The following NTM variants were observed in gnomAD, a reference collection of about 807,000 sequenced individuals.
NTM encodes neurotrimin.
In NTM, 13 loss-of-function variants were observed where a neutral mutation model predicts 42.1. The observed-to-expected ratio is 0.31, with a 90% CI of 0.20 to 0.49. NTM has a LOEUF of 0.49. Ranked by LOEUF, NTM falls within the 20% of genes least tolerant of loss-of-function variation. The pLI is 0.99. For missense variants in NTM, 373 were observed against 452.8 expected, an observed-to-expected ratio of 0.82 and a Z score of 1.60; for synonymous variants, 187 against 179.2, an observed-to-expected ratio of 1.04 and a Z score of -0.35.
intron 2 of NTM, among the ~76,000 whole-genome samples, chr11:132,106,127 T>C (rs1278634323): frequency 6.6e-6 from 1 of 152,208 alleles, no homozygotes; most frequent in Non-Finnish European, 1.5e-5. Flanking sequence ...CAATTGCCAT[T>C]ATCCCACATA....
At chr11:132,317,529 A>T in intron 7 of NTM, 3 of 390,938 alleles carry the variant, frequency 7.7e-6, no homozygotes, top group Admixed American at 3.5e-5. Context: ...CCTTTTTTTT[A>T]TATAATCCCC....
intron 1 of NTM, among the ~76,000 whole-genome samples, chr11:131,870,374 G>T (rs2047658115): frequency 6.6e-6 from 1 of 152,300 alleles, no homozygotes; most frequent in Non-Finnish European, 1.5e-5. Flanking sequence ...TTGTATGTGT[G>T]CAATGCCTAG....
chr11:131,709,795 A>C (rs1184196481), intron 1 of NTM, among the ~76,000 whole-genome samples: 2 of 152,188 alleles, frequency 1.3e-5, no homozygotes, highest in African/African-American at 4.8e-5. Flanking sequence ...GATACAAAAG[A>C]GAGTTCGCCC....
chr11:131,463,089 G>A (rs1193828880), intron 1 of NTM, among the ~76,000 whole-genome samples: 1 of 152,216 alleles, frequency 6.6e-6, no homozygotes, highest in African/African-American at 2.4e-5. Context: ...TCTGCCCTGA[G>A]GTCAGTGACT....
chr11:131,500,979 T>A lies in NTM; in HGVS notation c.82+130091T>A, dbSNP rs184822269. On this transcript the variant is annotated intron_variant, in intron 1 of 8. Transcript: ENST00000683400. ...TATATGTGCCACATTTTCTTAATCC[T>A]GGATTAAGAAAATGTGACCCTATAG... Among the ~76,000 whole-genome samples the A allele has an allele frequency of 2.2e-4, 34 of 151,836 alleles. 5 individuals carry two copies. Among genetic ancestry groups the A allele is most frequent in the Admixed American group, 1.8e-3 (27 of 15,262 alleles).
At chr11:131,894,715 T>C (rs1461073967) in intron 1 of NTM, among the ~76,000 whole-genome samples, 1 of 152,130 alleles carries the variant, frequency 6.6e-6, no homozygotes, top group East Asian at 1.9e-4. Flanking sequence ...GGCTCCTCCC[T>C]ATCAAACCAG....
chr11:131,521,651 A>G (rs1355941153), intron 1 of NTM, among the ~76,000 whole-genome samples: 2 of 151,856 alleles, frequency 1.3e-5, no homozygotes, highest in East Asian at 3.9e-4. Flanking sequence ...GACAGCACCA[A>G]AACATTCAAG....
At chr11:131,455,150 A>G (rs1950774835) in intron 1 of NTM, among the ~76,000 whole-genome samples, 1 of 152,242 alleles carries the variant, frequency 6.6e-6, no homozygotes, top group South Asian at 2.1e-4. Flanking sequence ...CTGGGCCAGT[A>G]AAAGCATCAG....
intron 1 of NTM, among the ~76,000 whole-genome samples, chr11:131,596,215 C>T (rs911217666): frequency 6.6e-6 from 1 of 152,170 alleles, no homozygotes; most frequent in Admixed American, 6.5e-5. Context: ...ATCTGGATGC[C>T]TTCTAGTATC....
At chr11:131,683,292 G>C (rs564526062) in intron 1 of NTM, among the ~76,000 whole-genome samples, 1 of 152,214 alleles carries the variant, frequency 6.6e-6, no homozygotes, top group Non-Finnish European at 1.5e-5. Flanking sequence ...GGTGAGAAAG[G>C]GACTGGGGAT....
At chr11:131,731,026 A>G (rs760778178) in intron 1 of NTM, among the ~76,000 whole-genome samples, 2 of 152,188 alleles carry the variant, frequency 1.3e-5, no homozygotes, top group Non-Finnish European at 2.9e-5. Flanking sequence ...TCTTACTCTG[A>G]TGAAATACTT....
Position 131,911,629 on chromosome 11 carries a change from G to C in NTM, c.148G>C (p.Gly50Arg). 6.2e-7 allele frequency: 1 copy of C among 1,614,188 alleles called. No homozygotes were observed. The highest frequency in any genetic ancestry group is 8.5e-7 in the Non-Finnish European group (1 of 1,180,014). Residue 50 changes from glycine (G) to arginine (R), a missense_variant, in exon 2 of 9, where the codon GGG (glycine) becomes CGG (arginine). By Grantham distance (125) the Gly-to-Arg change is moderately radical. This residue lies in a region of NTM where 32 missense variants were observed against 68.8 expected (regional missense o/e 0.47). Coordinates refer to ENST00000683400, the MANE Select transcript of NTM (RefSeq NM_001352005.2). ...TATGGACAACGTGACGGTCCGGCAG[G>C]GGGAGAGCGCCACCCTCAGGTAGGG... ...KAMDNVTVRQ[G>R]ESATLRCTID...
intron 1 of NTM, among the ~76,000 whole-genome samples, chr11:131,907,123 G>A (rs1046172401): frequency 6.6e-6 from 1 of 152,310 alleles, no homozygotes; most frequent in African/African-American, 2.4e-5. Flanking sequence ...TCTCCACCAG[G>A]AGAGGGGAGC....
intron 1 of NTM, among the ~76,000 whole-genome samples, chr11:131,868,983 G>A (rs2047499002): frequency 6.6e-6 from 1 of 152,118 alleles, no homozygotes; most frequent in Non-Finnish European, 1.5e-5. Context: ...ACAAGTATTT[G>A]ACCTTACATA....
At chr11:131,697,319 G>A (rs1024366523) in intron 1 of NTM, among the ~76,000 whole-genome samples, 9 of 152,210 alleles carry the variant, frequency 5.9e-5, no homozygotes, top group Non-Finnish European at 1.0e-4. Context: ...TAAGTGTGGG[G>A]CAATTTTGAA....
intron 1 of NTM, among the ~76,000 whole-genome samples, chr11:131,508,061 T>A (rs2047720819): frequency 6.7e-6 from 1 of 149,718 alleles, no homozygotes; most frequent in Admixed American, 6.7e-5. Flanking sequence ...AAAGAGCTTC[T>A]GCACAGCAAA....
At position 131,931,503 on chromosome 11, in the gene NTM, GTA is replaced by G. The variant is rs1555181867; in HGVS notation, c.167+19857_167+19858del. Among the ~76,000 whole-genome samples, 63 of 149,528 alleles carry G rather than the reference GTA, an allele frequency of 4.2e-4. 2 individuals carry two copies. The highest frequency in any genetic ancestry group is 7.0e-3 in the Middle Eastern group (2 of 286). On this transcript the variant is annotated intron_variant, in intron 2 of 8. Coordinates refer to ENST00000683400, the MANE Select transcript of NTM (RefSeq NM_001352005.2). ...TGTGTGTGTGTGTGTGTGTGTGTGT[GTA>G]TGTGTGTGTGTTCCTTTTGACCACA...
At chr11:131,688,686 G>A (rs543185217) in intron 1 of NTM, among the ~76,000 whole-genome samples, 1 of 152,370 alleles carries the variant, frequency 6.6e-6, no homozygotes, top group South Asian at 2.1e-4. Context: ...CATGCTGTGG[G>A]TTGAGCTTGA....
chr11:131,507,853 C>T (rs1452735562), intron 1 of NTM, among the ~76,000 whole-genome samples: 1 of 151,464 alleles, frequency 6.6e-6, no homozygotes, highest in Non-Finnish European at 1.5e-5. Flanking sequence ...ATTTGGCTCT[C>T]TGTTTGTCTG....
Sources: gnomAD v4.1 joint callset for allele counts (sites outside exome capture counted in the v4.1 genomes callset) on GRCh38, gnomAD v4.1.1 for gene constraint, gnomAD v4.1.1 regional missense constraint, MANE v1.5 for transcripts, NCBI Gene and HGNC (gene_info 2026-07-23, HGNC 2026-07-21) for gene names.